Variants in CYP4F2 observed in about 807,000 individuals in gnomAD.
CYP4F2 encodes the protein cytochrome P450 family 4 subfamily F member 2.
In CYP4F2, 58 loss-of-function variants were observed where a neutral mutation model predicts 58.9. The ratio of observed to expected loss-of-function variants is 0.98; its 90% confidence interval spans 0.80 to 1.23. The LOEUF is 1.23. CYP4F2 is among the 50% of genes most tolerant of loss of function. CYP4F2 has a pLI of 0.00. For missense variants in CYP4F2, 616 were observed against 685.6 expected, an observed-to-expected ratio of 0.90 and a Z score of 1.13; for synonymous variants, 287 against 261.1, an observed-to-expected ratio of 1.10 and a Z score of -0.95.
In CYP4F2 at chr19:15,878,906, C is replaced by G; in HGVS notation, c.1428G>C (p.Ala476=). The G allele has an allele frequency of 1.2e-6, 2 of 1,613,988 alleles. No homozygotes were observed. Among genetic ancestry groups the G allele is most frequent in the South Asian group, 2.2e-5 (2 of 91,054 alleles). The stretch of plus-strand genomic sequence containing the variant: ...TGAGCGCCAGGACCACCTTCATCTC[C>G]GCCATCGCGAACGTCTGCCCGATGC... The part of the protein sequence containing the change: ...RNCIGQTFAM[A]EMKVVLALTL... The change falls in exon 13 of 13, where the codon GCG becomes GCC. Residue 476 remains alanine (A), a synonymous_variant. Coordinates refer to ENST00000221700, the MANE Select transcript of CYP4F2 (RefSeq NM_001082.5).
chr19:15,879,211 C>T (rs971228914), intron 12 of CYP4F2, 135 bp downstream of exon 12: 33 of 1,365,328 alleles, frequency 2.4e-5, no homozygotes, highest in Admixed American at 8.5e-5. Flanking sequence ...GGACCTTTTC[C>T]TATAAACTCC....
chr19:15,886,711 C>T (rs552471145), intron 7 of CYP4F2, among the ~76,000 whole-genome samples: 47 of 152,250 alleles, frequency 3.1e-4, no homozygotes, highest in African/African-American at 1.0e-3. Flanking sequence ...CCCCTGGAGA[C>T]GTTTGGGTTG....
Position 15,879,362 on chromosome 19 carries a change from A to G in CYP4F2, c.1381T>C (p.Phe461Leu). ...KERSPLAFIP[F>L]SAGPRNCIGQ... ...CGCCCTTACCTGGGCCCTGCCGAGA[A>G]GGGAATAAAAGCCAGAGGTGACCTC... Residue 461 changes from phenylalanine to leucine, a missense_variant, in exon 12 of 13, where the codon TTC becomes CTC. By Grantham distance (22) the Phe-to-Leu change is conservative. Coordinates refer to ENST00000221700, the MANE Select transcript of CYP4F2 (RefSeq NM_001082.5). 6 of 1,614,036 alleles carry G rather than the reference A, an allele frequency of 3.7e-6. No individual in the cohort carries two copies. The highest frequency in any genetic ancestry group is 5.1e-6 in the Non-Finnish European group (6 of 1,179,972).
rs541489929 is a variant in CYP4F2 at position 15,885,473 on chromosome 19, C to T, written c.1115+451G>A. On this transcript the variant is annotated intron_variant, in intron 9 of 12. Transcript: ENST00000221700. ...GAGTGTTTGCTGAATAAGGATGGGACGGATGAACAGTGCAAGTGTTCCGGA... is the reference window on the plus strand; with the variant it reads ...GAGTGTTTGCTGAATAAGGATGGGATGGATGAACAGTGCAAGTGTTCCGGA... 5.3e-5 allele frequency among the ~76,000 whole-genome samples: 8 copies of T among 152,178 alleles called. No homozygotes were observed. In the South Asian group the frequency reaches 6.2e-4, roughly 12 times the overall value.
chr19:15,890,511 G>C, intron 5 of CYP4F2, 78 bp from the exon 6 acceptor site: 2 of 1,581,052 alleles, frequency 1.3e-6, no homozygotes, highest in South Asian at 2.3e-5. Context: ...TGCCAAGATG[G>C]GCTCCCCAGA....
At chr19:15,879,056 G>A (rs1029355932) in intron 12 of CYP4F2, 120 bp from the exon 13 acceptor site, 9 of 1,456,662 alleles carry the variant, frequency 6.2e-6, no homozygotes, top group Non-Finnish European at 8.3e-6. Context: ...ATAGAGAAGG[G>A]GGTATCCGTG....
Position 15,885,943 on chromosome 19 carries a change from C to T in CYP4F2, c.1096G>A (p.Glu366Lys), listed in dbSNP as rs765375585. Residue 366 changes from glutamate (E) to lysine (K), a missense_variant, in exon 9 of 13, where the codon GAG becomes AAG. Glu to Lys is a moderately conservative substitution (Grantham distance 56). Transcript: ENST00000221700. ...ACTCACCATTCAATCTCTTTAGGCT[C>T]ACGGTCCTTCAGAAGTTCTTGCACC... ...QEVQELLKDR[E>K]PKEIEWDDLA... 1.9e-6 allele frequency: 3 copies of T among 1,613,952 alleles called. No individual in the cohort carries two copies.
intron 9 of CYP4F2, among the ~76,000 whole-genome samples, chr19:15,880,592 C>T (rs1448834731): frequency 6.6e-6 from 1 of 151,444 alleles, no homozygotes; most frequent in Admixed American, 6.6e-5. Flanking sequence ...CACACCACTG[C>T]ACTCCAACCT....
intron 6 of CYP4F2, among the ~76,000 whole-genome samples, 183 bp downstream of exon 6, chr19:15,890,129 G>C (rs2089407719): frequency 6.6e-6 from 1 of 152,084 alleles, no homozygotes; most frequent in South Asian, 2.1e-4. Flanking sequence ...ACACCCACCA[G>C]TTCAAACCCC....
chr19:15,897,754 A>G, intron 1 of CYP4F2, 142 bp from the exon 2 acceptor site: 1 of 1,059,488 alleles, frequency 9.4e-7, no homozygotes, highest in South Asian at 1.5e-5. Flanking sequence ...AGGGGCTGAG[A>G]GGTAAAGTCC....
intron 6 of CYP4F2, 23 bp downstream of exon 6, chr19:15,890,289 C>G (rs758571350): frequency 6.2e-7 from 1 of 1,613,730 alleles, no homozygotes; most frequent in African/African-American, 1.3e-5. Context: ...GCCCAAGATC[C>G]CAGATCCTGG....
rs1213015467 is a variant in CYP4F2, at chr19:15,886,229, C to A, written c.985+13G>T. The stretch of plus-strand genomic sequence containing the variant: ...TCCCGGTCCCCTCTCTAGCCCCACA[C>A]TGGGGCCCTCACCCTCAAACATAAA... On this transcript the variant is annotated intron_variant, in intron 8 of 12. Coordinates refer to ENST00000221700, the MANE Select transcript of CYP4F2 (RefSeq NM_001082.5). The A allele has an allele frequency of 1.9e-6, 3 of 1,613,970 alleles. No individual in the cohort carries two copies. The highest frequency in any genetic ancestry group is 2.5e-6 in the Non-Finnish European group (3 of 1,180,000).
At chr19:15,894,670 C>G (rs2145014450) in intron 3 of CYP4F2, among the ~76,000 whole-genome samples, 2 of 152,258 alleles carry the variant, frequency 1.3e-5, no homozygotes, top group Non-Finnish European at 2.9e-5. Context: ...CTTCAATAAC[C>G]AGAGACAGCT....
chr19:15,879,613 C>T lies in CYP4F2; in HGVS notation c.1305G>A (p.Pro435=), dbSNP rs377551326. The change falls in exon 11 of 13, where the codon CCG becomes CCA. Residue 435 remains proline (P), a synonymous_variant. Transcript: ENST00000221700. ...FGTHHNPAVW[P]DPEVYDPFRF... is the part of the protein sequence containing the mutation. ...GAGAGGGGCCCCGCACCTCAGGGTC[C>T]GGCCACACAGCTGGGTTGTGATGGG... is the stretch of plus-strand genomic sequence containing the variant. The T allele has an allele frequency of 5.6e-5, 91 of 1,613,974 alleles. 1 individual carries two copies. The highest frequency in any genetic ancestry group is 1.9e-4 in the African/African-American group (14 of 74,916).
rs1465947495 is a variant in CYP4F2, at chr19:15,886,032, C to A, written c.1007G>T (p.Gly336Val). The stretch of plus-strand genomic sequence containing the variant: ...AAGGTGGTACAGGACCCAGGAGAGA[C>A]CACTGGCCGTGGTGTCATGGCCTGG... ...MFEGHDTTAS[G>V]LSWVLYHLAK... is the part of the protein sequence containing the mutation. The change falls in exon 9 of 13, where the codon GGT becomes GTT. Residue 336 changes from glycine to valine, a missense_variant. Physicochemically the swap from Gly to Val is moderately radical, Grantham distance 109 (BLOSUM62 -3). Transcript: ENST00000221700. The A allele has an allele frequency of 6.2e-7, 1 of 1,613,988 alleles. No homozygotes were observed.
chr19:15,884,099 AGAGG>A (rs1025671855), intron 9 of CYP4F2, among the ~76,000 whole-genome samples: 4 of 151,858 alleles, frequency 2.6e-5, no homozygotes, highest in African/African-American at 4.8e-5. Context: ...AGAAAGAGAG[AGAGG>A]GAGGGAGGGA....
At chr19:15,888,456 A>G (rs2145007962) in intron 7 of CYP4F2, among the ~76,000 whole-genome samples, 1 of 152,290 alleles carries the variant, frequency 6.6e-6, no homozygotes, top group South Asian at 2.1e-4. Context: ...ACGCACACAC[A>G]TAGATGAAGT....
At position 15,878,428 on chromosome 19, in the gene CYP4F2, T is replaced by C. The variant is rs997342217; in HGVS notation, c.*343A>G. On this transcript the variant is annotated 3_prime_UTR_variant, in exon 13 of 13. Coordinates refer to ENST00000221700, the MANE Select transcript of CYP4F2 (RefSeq NM_001082.5). ...TTTGCATCTGACGTCTTTCATTCAG[T>C]ATCATGCATTCAAGGTTCATCCACA... is the stretch of plus-strand genomic sequence containing the variant. The C allele has an allele frequency of 3.6e-6, 1 of 275,528 alleles. No homozygotes were observed. The highest frequency in any genetic ancestry group is 6.8e-6 in the Non-Finnish European group (1 of 146,088). The allele number at this position is 275,528 out of a possible 1,614,324, so 17.1% of individuals were successfully genotyped here. A position where few individuals can be genotyped will look rare whatever the true frequency, so the allele number is the denominator to read the frequency against.
In CYP4F2 at chr19:15,889,644, A is replaced by C. The variant is rs1418961265; in HGVS notation, c.697T>G (p.Ser233Ala). Residue 233 changes from serine to alanine, a missense_variant, in exon 7 of 13, where the codon TCA becomes GCA. Transcript: ENST00000221700. ...AGGAGGATCTCATGGTGTCTTTTTG[A>C]TACAAGGGCACTGAGCTCCAAGATG... The part of the protein sequence containing the change: ...AAILELSALV[S>A]KRHHEILLHI... 1 of 1,614,164 alleles carries C rather than the reference A, an allele frequency of 6.2e-7. No individual in the cohort carries two copies. The highest frequency in any genetic ancestry group is 1.7e-5 in the Admixed American group (1 of 60,028).
Sources: allele counts gnomAD v4.1 joint callset (sites outside exome capture counted in the v4.1 genomes callset), GRCh38; gene constraint gnomAD v4.1.1; transcripts MANE v1.5; gene names NCBI Gene and HGNC (gene_info 2026-07-23, HGNC 2026-07-21).